The following ATP6V0D1 variants were observed in gnomAD, a reference collection of about 807,000 sequenced individuals.
ATP6V0D1 encodes ATPase H+ transporting V0 subunit d1.
Under a neutral mutation model 39.0 loss-of-function variants are expected in ATP6V0D1, and 13 were observed. That is an observed-to-expected ratio of 0.33 (90% confidence interval 0.22 to 0.53). The LOEUF is 0.53. ATP6V0D1 is among the 20% of genes least tolerant of loss of function. The probability of loss-of-function intolerance (pLI) is 0.94; values close to 1 mark genes in which losing one functional copy is unlikely to be tolerated. For missense variants in ATP6V0D1, 272 were observed against 470.9 expected, an observed-to-expected ratio of 0.58 and a Z score of 3.91; for synonymous variants, 191 against 191.2, an observed-to-expected ratio of 1.00 and a Z score of 0.01.
intron 1 of ATP6V0D1, among the ~76,000 whole-genome samples, chr16:67,464,141 A>G (rs931965698): frequency 7.2e-5 from 11 of 152,158 alleles, no homozygotes; most frequent in African/African-American, 2.7e-4. Context: ...GCTCATCTGT[A>G]TTCATCAGCT....
At chr16:67,438,729 C>T in intron 7 of ATP6V0D1, 40 bp from the exon 8 acceptor site, 1 of 1,614,172 alleles carries the variant, frequency 6.2e-7, no homozygotes, top group Admixed American at 1.7e-5. Flanking sequence ...GTGGCCATGG[C>T]CACAGAGTCA....
At chr16:67,460,526 T>C (rs932678847) in intron 1 of ATP6V0D1, among the ~76,000 whole-genome samples, 16 of 152,252 alleles carry the variant, frequency 1.1e-4, no homozygotes, top group South Asian at 2.1e-4. Flanking sequence ...ACCTGGGGCC[T>C]GCAGCACAGT....
At chr16:67,440,979 G>A (rs2041043696) in intron 4 of ATP6V0D1, 1 of 152,306 alleles carries the variant, frequency 6.6e-6, no homozygotes, top group Non-Finnish European at 1.5e-5. Context: ...GGCCAGCCAA[G>A]CTGGATATGT....
At position 67,438,840 on chromosome 16, in the gene ATP6V0D1, T is replaced by G. The variant is rs1597565481; in HGVS notation, c.847A>C (p.Ser283Arg). Residue 283 changes from serine to arginine, a missense_variant, in exon 7 of 8, where the codon AGC becomes CGC. Ser to Arg is a moderately radical substitution (Grantham distance 110). Transcript: ENST00000290949. ...EYKLLFEGAG[S>R]NPGDKTLEDR... ...TCCAGCGTCTTGTCTCCAGGGTTGC[T>G]ACCTGCACCCTCGAAGAGCAGCTTG... The G allele has an allele frequency of 6.2e-7, 1 of 1,606,864 alleles. No homozygotes were observed. Among genetic ancestry groups the G allele is most frequent in the African/African-American group, 1.4e-5 (1 of 73,592 alleles).
chr16:67,448,745 C>A (rs1014361140), intron 2 of ATP6V0D1, among the ~76,000 whole-genome samples: 1 of 152,052 alleles, frequency 6.6e-6, no homozygotes, highest in African/African-American at 2.4e-5. Context: ...AGTCCTGCCT[C>A]TCCCCAAGGC....
At position 67,453,748 on chromosome 16, in the gene ATP6V0D1, C is replaced by A; in HGVS notation, c.131-33G>T. The A allele has an allele frequency of 6.2e-7, 1 of 1,605,296 alleles. No individual in the cohort carries two copies. Among genetic ancestry groups the A allele is most frequent in the Non-Finnish European group, 8.5e-7 (1 of 1,175,614 alleles). On this transcript the variant is annotated intron_variant, in intron 1 of 7. Transcript: ENST00000290949. The surrounding 1 kb of genome is among the most constrained non-coding windows in gnomAD (Gnocchi z 4.1). ...CCAAGGGTAGGGGGTAAGGGCTAGC[C>A]TTGCTGGGCCTCCCCAAGGGTCCCA...
At chr16:67,442,813 C>T (rs1257311493) in intron 4 of ATP6V0D1, among the ~76,000 whole-genome samples, 1 of 152,150 alleles carries the variant, frequency 6.6e-6, no homozygotes, top group Non-Finnish European at 1.5e-5. Flanking sequence ...CTCCTGGATG[C>T]TGGGGGAGCG....
At position 67,453,434 on chromosome 16, in the gene ATP6V0D1, C is replaced by T. The variant is rs2041203729; in HGVS notation, c.302+110G>A. 3 of 1,326,106 alleles carry T rather than the reference C, an allele frequency of 2.3e-6. No homozygotes were observed. In the South Asian group the frequency reaches 4.0e-5, roughly 18 times the overall value. The allele number at this position is 1,326,106 out of a possible 1,614,324, so 82.1% of individuals were successfully genotyped here. A position where few individuals can be genotyped will look rare whatever the true frequency, so the allele number is the denominator to read the frequency against. ...CTGACAGAGCTGCCATCAGCTCTGA[C>T]AGCTGACACAGGCACGAAGGCAGCT... On this transcript the variant is annotated intron_variant, in intron 2 of 7. Coordinates refer to ENST00000290949, the MANE Select transcript of ATP6V0D1 (RefSeq NM_004691.5). This position sits in a 1 kb window ranked among gnomAD's most constrained non-coding sequence, Gnocchi z 4.1.
At chr16:67,466,900 T>G (rs1038480339) in intron 1 of ATP6V0D1, among the ~76,000 whole-genome samples, 2 of 152,090 alleles carry the variant, frequency 1.3e-5, no homozygotes, top group Non-Finnish European at 2.9e-5. Flanking sequence ...AAGGAACTGG[T>G]CTGTCTTGCA....
chr16:67,467,554 C>T (rs2142328542), intron 1 of ATP6V0D1, among the ~76,000 whole-genome samples: 1 of 152,142 alleles, frequency 6.6e-6, no homozygotes, highest in Non-Finnish European at 1.5e-5. Flanking sequence ...ATCTATTGAG[C>T]ATCCACTCTG....
At chr16:67,449,970 C>G (rs1239180320) in intron 2 of ATP6V0D1, among the ~76,000 whole-genome samples, 1 of 152,198 alleles carries the variant, frequency 6.6e-6, no homozygotes, top group Non-Finnish European at 1.5e-5. Context: ...CCTGGGGCAG[C>G]TCCAAAAGCA....
intron 1 of ATP6V0D1, among the ~76,000 whole-genome samples, chr16:67,469,180 C>T (rs1183578529): frequency 2.6e-5 from 4 of 152,122 alleles, no homozygotes; most frequent in Non-Finnish European, 5.9e-5. Context: ...TGGTGGCACA[C>T]GCCTGTAATC....
intron 1 of ATP6V0D1, among the ~76,000 whole-genome samples, chr16:67,471,370 G>C (rs1470585010): frequency 6.6e-6 from 1 of 151,870 alleles, no homozygotes; most frequent in Non-Finnish European, 1.5e-5. Flanking sequence ...TGTATTCTTA[G>C]TAGATATGGG....
At chr16:67,460,037 G>C (rs897872446) in intron 1 of ATP6V0D1, among the ~76,000 whole-genome samples, 1 of 152,200 alleles carries the variant, frequency 6.6e-6, no homozygotes. Context: ...GGCTCTCCTG[G>C]GGAGCTCAGG....
intron 2 of ATP6V0D1, among the ~76,000 whole-genome samples, chr16:67,451,671 A>G (rs1229406860): frequency 6.6e-6 from 1 of 152,206 alleles, no homozygotes; most frequent in Non-Finnish European, 1.5e-5. Context: ...CTTCTGAGTG[A>G]GGGGAGGAGT....
At chr16:67,439,545 G>A (rs1235910808) in intron 4 of ATP6V0D1, 194 bp from the exon 5 acceptor site, 2 of 611,410 alleles carry the variant, frequency 3.3e-6, no homozygotes, top group Admixed American at 2.7e-5. Context: ...AGTGGCAGCT[G>A]CCCACAGCCT....
At chr16:67,473,123 TG>T (rs1001158759) in intron 1 of ATP6V0D1, among the ~76,000 whole-genome samples, 8 of 152,166 alleles carry the variant, frequency 5.3e-5, no homozygotes, top group Non-Finnish European at 1.2e-4. Context: ...CTCCCAAGGC[TG>T]CTGTCATGCA....
At chr16:67,477,675 G>GT (rs201598029) in intron 1 of ATP6V0D1, among the ~76,000 whole-genome samples, 256 of 147,482 alleles carry the variant, frequency 1.7e-3, no homozygotes, top group East Asian at 4.1e-3. Context: ...ATAATAAACA[G>GT]TTTTTTTTTT....
chr16:67,472,723 T>G (rs1405057760), intron 1 of ATP6V0D1, among the ~76,000 whole-genome samples: 1 of 151,910 alleles, frequency 6.6e-6, no homozygotes, highest in African/African-American at 2.4e-5. Context: ...ACAAAAAATT[T>G]GCCGGGCGTG....
Sources: gnomAD v4.1 joint callset for allele counts (sites outside exome capture counted in the v4.1 genomes callset) on GRCh38, gnomAD v4.1.1 for gene constraint, Gnocchi (gnomAD v3.1) non-coding constraint, MANE v1.5 for transcripts, NCBI Gene and HGNC (gene_info 2026-07-23, HGNC 2026-07-21) for gene names.